EBF2: variants seen among roughly 807,000 people sequenced by gnomAD.
EBF2 encodes the protein EBF transcription factor 2.
EBF2 carries 21 observed loss-of-function variants against 72.8 expected under a neutral mutation model. The observed-to-expected ratio is 0.29, with a 90% CI of 0.20 to 0.42. The LOEUF (loss-of-function observed/expected upper bound fraction) is 0.42. EBF2 is among the 10% of genes least tolerant of loss of function. The pLI is 1.00. For synonymous variants in EBF2, 299 were observed against 274.2 expected, an observed-to-expected ratio of 1.09 and a Z score of -0.89; for missense variants, 637 against 731.2, an observed-to-expected ratio of 0.87 and a Z score of 1.49.
chr8:25,849,316 A>T (rs1441050376), intron 15 of EBF2, among the ~76,000 whole-genome samples: 1 of 152,152 alleles, frequency 6.6e-6, no homozygotes. Flanking sequence ...ATGGCTCAGG[A>T]ACCTAACGTA....
intron 10 of EBF2, among the ~76,000 whole-genome samples, chr8:25,879,033 C>T (rs1331074494): frequency 2.0e-5 from 3 of 151,992 alleles, no homozygotes; most frequent in Admixed American, 2.0e-4. Flanking sequence ...TTATTAGATA[C>T]AAGTAAGCAA....
At position 26,025,673 on chromosome 8, in the gene EBF2, T is replaced by C. The variant is rs149152549; in HGVS notation, c.551+7412A>G. Among the ~76,000 whole-genome samples the C allele has an allele frequency of 1.6e-3, 239 of 152,288 alleles. 2 individuals are homozygous for C. The highest frequency in any genetic ancestry group is 5.5e-3 in the African/African-American group (229 of 41,570). ...CTCCAGTGTCCTCCAATGAAGAGCT[T>C]CAATCCATAGGGACACTTTTTCCCA... On this transcript the variant is annotated intron_variant, in intron 6 of 15. Transcript: ENST00000520164.
At chr8:25,937,634 C>T (rs1316648660) in intron 6 of EBF2, among the ~76,000 whole-genome samples, 1 of 152,086 alleles carries the variant, frequency 6.6e-6, no homozygotes, top group Non-Finnish European at 1.5e-5. Context: ...ACAGATCTTC[C>T]TATTTGTGGC....
intron 6 of EBF2, among the ~76,000 whole-genome samples, chr8:25,982,360 C>T (rs1172342432): frequency 6.6e-6 from 1 of 152,192 alleles, no homozygotes; most frequent in Non-Finnish European, 1.5e-5. Context: ...TGAGCCTGAA[C>T]ACTATGTCAG....
At chr8:26,002,520 C>CT (rs1448780888) in intron 6 of EBF2, among the ~76,000 whole-genome samples, 1 of 151,962 alleles carries the variant, frequency 6.6e-6, no homozygotes, top group Non-Finnish European at 1.5e-5. Context: ...GGGCTGAGCA[C>CT]TTCTCTGCCT....
intron 14 of EBF2, among the ~76,000 whole-genome samples, chr8:25,853,499 G>GAA (rs1206501464): frequency 4.0e-5 from 6 of 151,870 alleles, no homozygotes; most frequent in Non-Finnish European, 7.4e-5. Context: ...TCACTAAATA[G>GAA]AAAAACTTAA....
rs1361778049 is a variant in EBF2, at chr8:26,042,144, G to A, written c.239C>T (p.Pro80Leu). 1.2e-6 allele frequency: 2 copies of A among 1,614,012 alleles called. No individual in the cohort carries two copies. The highest frequency in any genetic ancestry group is 1.7e-6 in the Non-Finnish European group (2 of 1,180,032). ...GAAGGCCGTCCGCTCGATCTCCACC[G>A]GCTGGCCCTGCCTGTCATAGAGCGC... ...VLALYDRQGQ[P>L]VEIERTAFVD... Residue 80 changes from proline to leucine, a missense_variant, in exon 2 of 16, where the codon CCG becomes CTG. Physicochemically the swap from Pro to Leu is moderately conservative, Grantham distance 98 (BLOSUM62 -3). Coordinates refer to ENST00000520164, the MANE Select transcript of EBF2 (RefSeq NM_022659.4).
chr8:25,869,321 G>C (rs969407878), intron 10 of EBF2, among the ~76,000 whole-genome samples: 1 of 152,086 alleles, frequency 6.6e-6, no homozygotes, highest in African/African-American at 2.4e-5. Flanking sequence ...CACTCCTCAA[G>C]TTGGAGACAG....
intron 15 of EBF2, 102 bp downstream of exon 15, chr8:25,850,492 T>C (rs911519076): frequency 3.0e-6 from 4 of 1,331,930 alleles, no homozygotes; most frequent in Non-Finnish European, 2.0e-6. Context: ...AAAGCATCTC[T>C]TTGCAGGTAA....
intron 6 of EBF2, among the ~76,000 whole-genome samples, chr8:25,948,163 A>G (rs1268725866): frequency 6.6e-6 from 1 of 152,178 alleles, no homozygotes; most frequent in African/African-American, 2.4e-5. Context: ...ATCCCTAAGG[A>G]ACAAGTTTCT....
chr8:25,971,200 C>T (rs1804184032), intron 6 of EBF2, among the ~76,000 whole-genome samples: 1 of 152,176 alleles, frequency 6.6e-6, no homozygotes, highest in Non-Finnish European at 1.5e-5. Context: ...TCCAACACAC[C>T]TGGCTAATGT....
chr8:26,041,241 G>C (rs1451144109), intron 2 of EBF2: 2 of 572,292 alleles, frequency 3.5e-6, no homozygotes, highest in Admixed American at 6.1e-5. Flanking sequence ...CCTTAAAAAT[G>C]TCCTCAGAAG....
chr8:25,865,140 C>T (rs1446212732), intron 10 of EBF2, among the ~76,000 whole-genome samples: 1 of 151,952 alleles, frequency 6.6e-6, no homozygotes, highest in Non-Finnish European at 1.5e-5. Context: ...TCCAGTTTAA[C>T]CTTAGGGAAA....
intron 7 of EBF2, among the ~76,000 whole-genome samples, chr8:25,905,081 A>C (rs2117309706): frequency 6.6e-6 from 1 of 152,324 alleles, no homozygotes; most frequent in South Asian, 2.1e-4. Context: ...ATGAGCAATA[A>C]GCACATGAAA....
chr8:25,889,524 G>C (rs1421267562), intron 8 of EBF2, among the ~76,000 whole-genome samples: 1 of 152,100 alleles, frequency 6.6e-6, no homozygotes, highest in African/African-American at 2.4e-5. Context: ...CACAGAACAG[G>C]ATGGAAGAGA....
At chr8:25,995,759 G>T (rs929964584) in intron 6 of EBF2, among the ~76,000 whole-genome samples, 4 of 151,742 alleles carry the variant, frequency 2.6e-5, no homozygotes, top group Admixed American at 2.0e-4. Flanking sequence ...CTAATAGTAG[G>T]CGATATAAAG....
chr8:25,921,751 T>C (rs1398241467), intron 6 of EBF2, among the ~76,000 whole-genome samples: 1 of 152,200 alleles, frequency 6.6e-6, no homozygotes, highest in Admixed American at 6.5e-5. Context: ...CCTAATTAAT[T>C]TTTACTTTGC....
intron 6 of EBF2, among the ~76,000 whole-genome samples, chr8:25,915,409 T>C (rs1044457653): frequency 6.6e-6 from 1 of 152,140 alleles, no homozygotes; most frequent in African/African-American, 2.4e-5. Flanking sequence ...GAGTCCTTCA[T>C]GTTGCAAAAT....
chr8:26,017,919 G>A (rs758372267), intron 6 of EBF2, among the ~76,000 whole-genome samples: 1 of 152,106 alleles, frequency 6.6e-6, no homozygotes, highest in Admixed American at 6.5e-5. Flanking sequence ...CGCGTATCAG[G>A]TTAATGCATG....
Sources: gnomAD v4.1 joint callset for allele counts (sites outside exome capture counted in the v4.1 genomes callset) on GRCh38, gnomAD v4.1.1 for gene constraint, MANE v1.5 for transcripts, NCBI Gene and HGNC (gene_info 2026-07-23, HGNC 2026-07-21) for gene names.